UVRAG: variants seen among roughly 807,000 people sequenced by gnomAD.
UVRAG encodes UV radiation resistance-associated gene protein.
Under a neutral mutation model 78.0 loss-of-function variants are expected in UVRAG, and 19 were observed. The ratio of observed to expected loss-of-function variants is 0.24; its 90% CI spans 0.17 to 0.36. UVRAG has a LOEUF of 0.36. Ranked by LOEUF, UVRAG falls within the 10% of genes least tolerant of loss-of-function variation. UVRAG has a pLI of 1.00. For missense variants in UVRAG, 740 were observed against 853.8 expected, an observed-to-expected ratio of 0.87 and a Z score of 1.66; for synonymous variants, 323 against 324.6, an observed-to-expected ratio of 1.00 and a Z score of 0.05.
chr11:76,030,842 CTA>C (rs1310494802), intron 12 of UVRAG, among the ~76,000 whole-genome samples: 1 of 152,118 alleles, frequency 6.6e-6, no homozygotes, highest in Admixed American at 6.5e-5. Flanking sequence ...ACTATTCTCT[CTA>C]TATAGTATCA....
At chr11:75,870,864 T>G (rs1836655922) in intron 3 of UVRAG, among the ~76,000 whole-genome samples, 1 of 152,148 alleles carries the variant, frequency 6.6e-6, no homozygotes, top group Non-Finnish European at 1.5e-5. Flanking sequence ...TGCTTTTCTT[T>G]GCTTTATTTT....
intron 12 of UVRAG, among the ~76,000 whole-genome samples, chr11:76,026,650 G>A (rs1950331301): frequency 6.6e-6 from 1 of 152,074 alleles, no homozygotes; most frequent in African/African-American, 2.4e-5. Flanking sequence ...GGCATTTAGA[G>A]CACTCAGTAG....
chr11:76,021,287 A>G (rs1036479251), intron 12 of UVRAG, among the ~76,000 whole-genome samples: 42 of 152,156 alleles, frequency 2.8e-4, no homozygotes, highest in African/African-American at 9.9e-4. Context: ...CAATCGGTGA[A>G]AGCATCTATT....
chr11:75,993,188 A>C (rs1949645339), intron 8 of UVRAG, among the ~76,000 whole-genome samples: 1 of 152,220 alleles, frequency 6.6e-6, no homozygotes, highest in Non-Finnish European at 1.5e-5. Flanking sequence ...ATTTGGAAGA[A>C]ACCAGGTGCT....
intron 12 of UVRAG, among the ~76,000 whole-genome samples, chr11:76,060,592 C>T (rs571570300): frequency 6.6e-6 from 1 of 152,346 alleles, no homozygotes; most frequent in South Asian, 2.1e-4. Context: ...ACCAGGGCTG[C>T]AGCACGGCGC....
chr11:75,832,970 A>G (rs10899138), intron 1 of UVRAG, among the ~76,000 whole-genome samples: 17,993 of 152,202 alleles, frequency 0.12, 1,201 homozygotes, highest in East Asian at 0.23. Context: ...TACATTTCTT[A>G]TCATACCAGT....
chr11:75,866,504 C>T (rs1236785592), intron 3 of UVRAG, among the ~76,000 whole-genome samples: 2 of 151,672 alleles, frequency 1.3e-5, no homozygotes, highest in East Asian at 3.9e-4. Flanking sequence ...ACTATGATTG[C>T]ACCACTGCAC....
intron 13 of UVRAG, among the ~76,000 whole-genome samples, chr11:76,070,050 C>CT (rs1412233624): frequency 6.6e-6 from 1 of 152,086 alleles, no homozygotes; most frequent in Non-Finnish European, 1.5e-5. Context: ...AGTTAAGTGA[C>CT]TTTAATGAAT....
intron 13 of UVRAG, among the ~76,000 whole-genome samples, chr11:76,103,485 T>C (rs1252106894): frequency 6.6e-6 from 1 of 152,118 alleles, no homozygotes; most frequent in Non-Finnish European, 1.5e-5. Flanking sequence ...TTATTTACAT[T>C]ATTTGAAAAC....
chr11:75,851,695 G>A (rs1429546428), intron 1 of UVRAG, among the ~76,000 whole-genome samples, 188 bp from the exon 2 acceptor site: 1 of 152,194 alleles, frequency 6.6e-6, no homozygotes, highest in Non-Finnish European at 1.5e-5. Context: ...AAATGAGATA[G>A]GGCAGGTATA....
intron 11 of UVRAG, among the ~76,000 whole-genome samples, chr11:76,014,043 G>A (rs940624628): frequency 6.6e-6 from 1 of 152,140 alleles, no homozygotes; most frequent in African/African-American, 2.4e-5. Context: ...AATTTTCAGT[G>A]TGTGCTATTT....
intron 11 of UVRAG, 69 bp from the exon 12 acceptor site, chr11:76,016,746 T>TA (rs1196570572): frequency 7.7e-7 from 1 of 1,294,716 alleles, no homozygotes; most frequent in Non-Finnish European, 1.0e-6. Flanking sequence ...CTTTGAAAAT[T>TA]ATTTATTATC....
intron 5 of UVRAG, among the ~76,000 whole-genome samples, chr11:75,908,245 C>T (rs776409894): frequency 6.6e-6 from 1 of 152,126 alleles, no homozygotes; most frequent in Admixed American, 6.5e-5. Flanking sequence ...TAGCGTGTGT[C>T]AGAATTTCCT....
Position 76,141,470 on chromosome 11 carries a change from GC to G in UVRAG, c.*58del. On this transcript the variant is annotated 3_prime_UTR_variant, in exon 15 of 15. Coordinates refer to ENST00000356136, the MANE Select transcript of UVRAG (RefSeq NM_003369.4). ...AAGCTCTGCCTAAAATGAAGTGAAA[GC>G]TGCACTTAACCCTTTGTGATAATGA... The G allele has an allele frequency of 2.0e-6, 3 of 1,489,056 alleles. No homozygotes were observed. The highest frequency in any genetic ancestry group is 1.8e-6 in the Non-Finnish European group (2 of 1,089,746). 92.2% of individuals were successfully genotyped at this position (1,489,056 alleles called of 1,614,324 possible).
intron 12 of UVRAG, among the ~76,000 whole-genome samples, chr11:76,040,664 TC>T (rs887336906): frequency 1.3e-5 from 2 of 152,006 alleles, no homozygotes; most frequent in African/African-American, 4.8e-5. Flanking sequence ...CAAGCAATTC[TC>T]GTGCCTCAGC....
chr11:76,132,706 A>G (rs974549113), intron 14 of UVRAG, among the ~76,000 whole-genome samples: 1 of 152,156 alleles, frequency 6.6e-6, no homozygotes, highest in Non-Finnish European at 1.5e-5. Flanking sequence ...CTCATAGCTG[A>G]TGCTTAGAAT....
In UVRAG at chr11:76,040,717, G is replaced by A. The variant is rs1215291288; in HGVS notation, c.1226+23737G>A. Among the ~76,000 whole-genome samples, 6 of 151,800 alleles carry A rather than the reference G, an allele frequency of 4.0e-5. No individual in the cohort carries two copies. The South Asian group carries it at 8.3e-4, about 21-fold the overall frequency. On this transcript the variant is annotated intron_variant, in intron 12 of 14. Transcript: ENST00000356136. ...ATTACAGGCACGCGCAACCACACCC[G>A]GCTTAATTTTTGTATTTTTAGTAGA...
At chr11:76,083,684 C>A (rs770528067) in intron 13 of UVRAG, among the ~76,000 whole-genome samples, 6 of 152,090 alleles carry the variant, frequency 3.9e-5, no homozygotes, top group Non-Finnish European at 8.8e-5. Context: ...CTTTGTATAA[C>A]CAAGCCAAAA....
intron 14 of UVRAG, among the ~76,000 whole-genome samples, chr11:76,117,797 G>A (rs1261880587): frequency 6.6e-6 from 1 of 152,184 alleles, no homozygotes; most frequent in African/African-American, 2.4e-5. Context: ...TTGCCCTCTA[G>A]ATTCACCAAT....
Sources: gnomAD v4.1 joint callset for allele counts (sites outside exome capture counted in the v4.1 genomes callset) on GRCh38, gnomAD v4.1.1 for gene constraint, MANE v1.5 for transcripts, NCBI Gene and HGNC (gene_info 2026-07-23, HGNC 2026-07-21) for gene names.